Variants in SGMS1 observed in about 807,000 individuals in gnomAD.
The protein encoded by SGMS1 is phosphatidylcholine:ceramide cholinephosphotransferase 1.
A neutral mutation model predicts 46.2 loss-of-function variants in SGMS1; 13 were observed. The ratio of observed to expected loss-of-function variants is 0.28; its 90% CI spans 0.18 to 0.45. The LOEUF (loss-of-function observed/expected upper bound fraction) is 0.45, where lower values mean the gene tolerates loss of function less well. SGMS1 is among the 20% of genes least tolerant of loss of function. SGMS1 has a pLI of 1.00. For missense variants in SGMS1, 324 were observed against 519.9 expected (o/e 0.62, Z 3.66); for synonymous variants, 203 against 187.8 (o/e 1.08, Z -0.66).
At chr10:50,398,648 A>T (rs1848883573) in intron 6 of SGMS1, among the ~76,000 whole-genome samples, 1 of 152,196 alleles carries the variant, frequency 6.6e-6, no homozygotes, top group South Asian at 2.1e-4. Flanking sequence ...TTCAGTTCTC[A>T]ATCAAACCAA....
At chr10:50,323,955 A>G (rs1397125504) in intron 8 of SGMS1, among the ~76,000 whole-genome samples, 1 of 152,224 alleles carries the variant, frequency 6.6e-6, no homozygotes, top group African/African-American at 2.4e-5. Flanking sequence ...GGTAGGAACT[A>G]TATCTACCTT....
chr10:50,484,183 C>T (rs763243572), intron 3 of SGMS1, among the ~76,000 whole-genome samples: 5 of 151,896 alleles, frequency 3.3e-5, no homozygotes, highest in South Asian at 4.2e-4. Flanking sequence ...GAAGAATCAA[C>T]TAGACAAAAT....
chr10:50,309,142 G>A (rs1847217182), intron 9 of SGMS1, among the ~76,000 whole-genome samples: 1 of 152,160 alleles, frequency 6.6e-6, no homozygotes, highest in South Asian at 2.1e-4. Context: ...ATAAAGTTGA[G>A]CTGGATAAGG....
chr10:50,555,533 C>T (rs1239802873), intron 2 of SGMS1, among the ~76,000 whole-genome samples: 1 of 152,182 alleles, frequency 6.6e-6, no homozygotes, highest in Admixed American at 6.5e-5. Flanking sequence ...CGGTTGAGGC[C>T]TCTGCTTCAA....
chr10:50,356,157 CTCTG>C (rs1476680922), intron 6 of SGMS1, among the ~76,000 whole-genome samples: 11 of 152,238 alleles, frequency 7.2e-5, no homozygotes, highest in African/African-American at 1.7e-4. Flanking sequence ...CAGATTGTTA[CTCTG>C]TCTGTGTAGA....
chr10:50,438,468 G>T (rs893330249), intron 5 of SGMS1, among the ~76,000 whole-genome samples: 1 of 152,120 alleles, frequency 6.6e-6, no homozygotes, highest in Admixed American at 6.5e-5. Context: ...CCAATCACAC[G>T]GGCTTGGGAA....
intron 5 of SGMS1, among the ~76,000 whole-genome samples, chr10:50,435,091 T>G (rs941200345): frequency 6.6e-6 from 1 of 152,202 alleles, no homozygotes; most frequent in Admixed American, 6.5e-5. Flanking sequence ...GCCACTGACA[T>G]GAGGCTCTTT....
At chr10:50,402,596 G>C (rs1848957502) in intron 6 of SGMS1, among the ~76,000 whole-genome samples, 1 of 152,100 alleles carries the variant, frequency 6.6e-6, no homozygotes, top group Admixed American at 6.5e-5. Context: ...GAATTGTGAG[G>C]AAATCTTTAA....
intron 2 of SGMS1, among the ~76,000 whole-genome samples, chr10:50,582,352 C>T (rs1838442832): frequency 6.6e-6 from 1 of 152,156 alleles, no homozygotes; most frequent in African/African-American, 2.4e-5. Flanking sequence ...AATTTCCCCA[C>T]AAAACATTCT....
chr10:50,476,809 T>G (rs1417990330), intron 3 of SGMS1, among the ~76,000 whole-genome samples: 1 of 152,232 alleles, frequency 6.6e-6, no homozygotes, highest in African/African-American at 2.4e-5. Flanking sequence ...CAACAAGGCT[T>G]CCATGTGGTG....
intron 2 of SGMS1, among the ~76,000 whole-genome samples, chr10:50,580,423 G>GAC (rs757553234): frequency 1.6e-5 from 2 of 124,356 alleles, no homozygotes; most frequent in Admixed American, 8.5e-5. Context: ...GCAAGTTAGG[G>GAC]ACCCCCCCCC....
At chr10:50,553,629 G>A (rs1838167460) in intron 2 of SGMS1, among the ~76,000 whole-genome samples, 1 of 152,152 alleles carries the variant, frequency 6.6e-6, no homozygotes, top group Non-Finnish European at 1.5e-5. Flanking sequence ...AGGTAAGGCA[G>A]GTGGAAAAGT....
At chr10:50,446,209 T>G (rs1837011480) in intron 5 of SGMS1, among the ~76,000 whole-genome samples, 1 of 152,168 alleles carries the variant, frequency 6.6e-6, no homozygotes. Flanking sequence ...TTTATTACCT[T>G]GTGAAGCATG....
At chr10:50,345,400 T>C (rs145696060) in intron 6 of SGMS1, among the ~76,000 whole-genome samples, 138 of 152,326 alleles carry the variant, frequency 9.1e-4, no homozygotes, top group African/African-American at 3.3e-3. Context: ...GCAGTCTGCA[T>C]AGAAGAGTTA....
intron 5 of SGMS1, among the ~76,000 whole-genome samples, chr10:50,455,097 G>A (rs961910935): frequency 1.3e-5 from 2 of 152,060 alleles, no homozygotes; most frequent in African/African-American, 2.4e-5. Context: ...CTAGTATCTA[G>A]GAAAGTGCCA....
At chr10:50,517,261 T>G (rs1045382010) in intron 3 of SGMS1, among the ~76,000 whole-genome samples, 6 of 152,060 alleles carry the variant, frequency 3.9e-5, no homozygotes, top group Non-Finnish European at 8.8e-5. Context: ...ACTGGCAATA[T>G]CAAATATAGG....
chr10:50,380,774 C>T (rs1287594694), intron 6 of SGMS1, among the ~76,000 whole-genome samples: 1 of 129,546 alleles, frequency 7.7e-6, no homozygotes, highest in Non-Finnish European at 1.7e-5. Context: ...AGCTCACACT[C>T]TCTTTTTTTA....
At chr10:50,358,899 T>C (rs1848200715) in intron 6 of SGMS1, among the ~76,000 whole-genome samples, 1 of 152,212 alleles carries the variant, frequency 6.6e-6, no homozygotes, top group Admixed American at 6.5e-5. Flanking sequence ...AGAACAAAAA[T>C]GGTTAAAGTA....
intron 2 of SGMS1, among the ~76,000 whole-genome samples, chr10:50,583,228 T>C (rs1838451320): frequency 6.6e-6 from 1 of 152,214 alleles, no homozygotes; most frequent in Non-Finnish European, 1.5e-5. Context: ...ATCACTTCTT[T>C]ATCCTGCCTC....
Sources: gnomAD v4.1 joint callset for allele counts (sites outside exome capture counted in the v4.1 genomes callset) on GRCh38, gnomAD v4.1.1 for gene constraint, MANE v1.5 for transcripts, NCBI Gene and HGNC (gene_info 2026-07-23, HGNC 2026-07-21) for gene names.